Variants in PLD1 observed in about 807,000 individuals in gnomAD.
PLD1 encodes the protein phospholipase D1, also known as choline phosphatase 1.
Under a neutral mutation model 137.1 loss-of-function variants are expected in PLD1, and 112 were observed. The observed-to-expected ratio is 0.82, with a 90% CI of 0.70 to 0.96. The LOEUF (loss-of-function observed/expected upper bound fraction) is 0.96, where lower values mean the gene tolerates loss of function less well. PLD1 is among the 40% of genes least tolerant of loss of function. The pLI is 0.00. For synonymous variants in PLD1, 431 were observed against 454.7 expected, an observed-to-expected ratio of 0.95 and a Z score of 0.66; for missense variants, 1,321 against 1,342.0, an observed-to-expected ratio of 0.98 and a Z score of 0.24.
intron 20 of PLD1, among the ~76,000 whole-genome samples, chr3:171,660,282 C>T (rs146790600): frequency 7.9e-5 from 12 of 152,316 alleles, no homozygotes; most frequent in East Asian, 3.9e-4. Context: ...CAGGAAGACA[C>T]GGTGCAGAAA....
intron 23 of PLD1, among the ~76,000 whole-genome samples, chr3:171,632,730 A>G (rs1475253318): frequency 2.6e-5 from 4 of 152,204 alleles, no homozygotes; most frequent in African/African-American, 9.7e-5. Context: ...TGTTCTATAA[A>G]TTTGAGATTA....
At chr3:171,622,673 G>T (rs935401779) in intron 23 of PLD1, among the ~76,000 whole-genome samples, 26 of 150,462 alleles carry the variant, frequency 1.7e-4, no homozygotes, top group African/African-American at 6.3e-4. Flanking sequence ...TGCATATGTG[G>T]GTATAATATT....
intron 13 of PLD1, among the ~76,000 whole-genome samples, chr3:171,689,171 C>G (rs1714880979): frequency 6.6e-6 from 1 of 151,810 alleles, no homozygotes; most frequent in Admixed American, 6.6e-5. Context: ...AATTTGAAAG[C>G]TGGTTCCCTT....
At chr3:171,614,304 T>G (rs1275524723) in intron 24 of PLD1, among the ~76,000 whole-genome samples, 2 of 152,184 alleles carry the variant, frequency 1.3e-5, no homozygotes, top group Non-Finnish European at 2.9e-5. Context: ...TAGACTTACA[T>G]CGTGGTTATG....
At chr3:171,639,848 C>CTCTATATATATATATATATA (rs3050415) in intron 23 of PLD1, among the ~76,000 whole-genome samples, 2 of 110,214 alleles carry the variant, frequency 1.8e-5, no homozygotes, top group African/African-American at 7.8e-5. Context: ...CTCTCTCTCT[C>CTCTATATATATATATATATA]TATATATATA....
At chr3:171,738,180 C>A (rs1719518320) in intron 1 of PLD1, 98 bp from the exon 2 acceptor site, 1 of 656,470 alleles carries the variant, frequency 1.5e-6, no homozygotes, top group African/African-American at 1.8e-5. Context: ...CATATGGAAA[C>A]AATTCAGCCT....
At chr3:171,653,211 A>G (rs1310694350) in intron 21 of PLD1, 5 of 152,238 alleles carry the variant, frequency 3.3e-5, no homozygotes, top group Non-Finnish European at 7.3e-5. Flanking sequence ...ACACAGGTAT[A>G]GCACTGATTA....
chr3:171,737,833 G>C, intron 2 of PLD1, 59 bp downstream of exon 2: 1 of 1,536,262 alleles, frequency 6.5e-7, no homozygotes, highest in East Asian at 2.3e-5. Context: ...TCAAATTTGT[G>C]GTCTTCCGAC....
intron 12 of PLD1, among the ~76,000 whole-genome samples, chr3:171,696,994 A>G (rs1328023753): frequency 6.6e-6 from 1 of 152,208 alleles, no homozygotes; most frequent in Non-Finnish European, 1.5e-5. Flanking sequence ...GAGAAGTCAC[A>G]CTAGACACAG....
intron 21 of PLD1, chr3:171,653,824 C>G (rs1401299278): frequency 6.4e-6 from 1 of 156,862 alleles, no homozygotes; most frequent in Non-Finnish European, 1.4e-5. Flanking sequence ...TTCATATAAG[C>G]TACGTAGAAC....
At chr3:171,738,328 A>C (rs948376193) in intron 1 of PLD1, among the ~76,000 whole-genome samples, 1 of 152,126 alleles carries the variant, frequency 6.6e-6, no homozygotes, top group Non-Finnish European at 1.5e-5. Context: ...AAAAAAAGCA[A>C]CACCACATTG....
intron 21 of PLD1, 61 bp from the exon 22 acceptor site, chr3:171,645,084 T>C: frequency 2.8e-6 from 3 of 1,053,912 alleles, no homozygotes; most frequent in Non-Finnish European, 4.5e-6. Flanking sequence ...CAATTTTAGA[T>C]GACAGCCAAG....
chr3:171,738,566 A>G (rs899802698), intron 1 of PLD1, among the ~76,000 whole-genome samples: 18 of 152,182 alleles, frequency 1.2e-4, no homozygotes, highest in African/African-American at 4.3e-4. Flanking sequence ...TGATAGCATA[A>G]TATTTCTACA....
At chr3:171,672,042 G>A (rs566866611) in intron 19 of PLD1, among the ~76,000 whole-genome samples, 47 of 142,440 alleles carry the variant, frequency 3.3e-4, no homozygotes, top group East Asian at 9.0e-4. Context: ...CTCTAAGAGC[G>A]AATGGGTTAC....
intron 1 of PLD1, among the ~76,000 whole-genome samples, chr3:171,746,937 C>G (rs571840836): frequency 1.3e-5 from 2 of 152,288 alleles, no homozygotes; most frequent in South Asian, 2.1e-4. Context: ...GCTGTTTAGG[C>G]TTTGGGTCTG....
chr3:171,644,337 A>C (rs1736013239), intron 22 of PLD1, among the ~76,000 whole-genome samples: 1 of 152,208 alleles, frequency 6.6e-6, no homozygotes, highest in African/African-American at 2.4e-5. Context: ...TGAAGCCTCA[A>C]GAGGAACCCA....
chr3:171,672,474 T>C (rs1444375607), intron 19 of PLD1, among the ~76,000 whole-genome samples: 1 of 147,892 alleles, frequency 6.8e-6, no homozygotes, highest in African/African-American at 2.5e-5. Flanking sequence ...TCTCATTTCT[T>C]TTCTTTTAGT....
rs1734135777 is a variant in PLD1, at chr3:171,626,641, A to C, written c.2594-6121T>G. 2.0e-5 allele frequency among the ~76,000 whole-genome samples: 3 copies of C among 151,900 alleles called. No individual in the cohort carries two copies. In the South Asian group the frequency reaches 6.2e-4, roughly 31 times the overall value. ...CCCACAAAGGGAAGCCCATCAGACT[A>C]ACAGCGGATCTCTCAGCAGAAACTC... On this transcript the variant is annotated intron_variant, in intron 23 of 26. Transcript: ENST00000351298.
rs139418102 is a variant in PLD1 at position 171,755,434 on chromosome 3, C to T, written c.-31-17352G>A. Among the ~76,000 whole-genome samples the T allele has an allele frequency of 4.4e-3, 677 of 152,274 alleles. 3 individuals are homozygous for T. The highest frequency in any genetic ancestry group is 0.016 in the African/African-American group (649 of 41,554). On this transcript the variant is annotated intron_variant, in intron 1 of 26. Transcript: ENST00000351298. Reference sequence around the variant, plus strand: ...TTGCACAACCCTTGACTGCATCCTTCTTGAGGGTCTCTTTCCTCAGCTTAC... The same window carrying T: ...TTGCACAACCCTTGACTGCATCCTTTTTGAGGGTCTCTTTCCTCAGCTTAC...
Sources: gnomAD v4.1 joint callset for allele counts (sites outside exome capture counted in the v4.1 genomes callset) on GRCh38, gnomAD v4.1.1 for gene constraint, MANE v1.5 for transcripts, NCBI Gene and HGNC (gene_info 2026-07-23, HGNC 2026-07-21) for gene names.